MYO16: variants seen among roughly 807,000 people sequenced by gnomAD.
MYO16 encodes the protein myosin XVI, also known as unconventional myosin-XVI.
Under a neutral mutation model 205.3 loss-of-function variants are expected in MYO16, and 94 were observed. That is an observed-to-expected ratio of 0.46 (90% CI 0.39 to 0.54). The LOEUF (loss-of-function observed/expected upper bound fraction) is 0.54, where lower values mean the gene tolerates loss of function less well. Among genes scored for constraint, MYO16 ranks in the 20% least tolerant of loss-of-function variants. The pLI, the probability that MYO16 is intolerant of heterozygous loss-of-function variation, is 0.00. For synonymous variants in MYO16, 988 were observed against 954.0 expected (o/e 1.04, Z -0.66); for missense variants, 2,315 against 2,387.5 (o/e 0.97, Z 0.63).
At chr13:108,543,671 A>T in the MYO16 span, among the ~76,000 whole-genome samples, 2 of 150,150 alleles carry the variant, frequency 1.3e-5, no homozygotes, top group East Asian at 3.9e-4. Flanking sequence ...AAAGAAAAAA[A>T]TCCCAGAATA....
At chr13:108,869,933 T>C (rs2139134931) in intron 12 of MYO16, among the ~76,000 whole-genome samples, 2 of 151,472 alleles carry the variant, frequency 1.3e-5, no homozygotes, top group South Asian at 4.2e-4. Flanking sequence ...CTTATGTTAT[T>C]GGATTGGATC....
At chr13:108,996,430 TTAAAG>T (rs1439650990) in intron 21 of MYO16, among the ~76,000 whole-genome samples, 3 of 152,064 alleles carry the variant, frequency 2.0e-5, no homozygotes, top group Non-Finnish European at 1.5e-5. Context: ...AAAGCTATAA[TTAAAG>T]TAATGTGCAA....
Position 108,890,104 on chromosome 13 carries a change from A to ATTTTTTTTTTTTTT in MYO16, c.1659+1635_1659+1648dup, listed in dbSNP as rs60627565. On this transcript the variant is annotated intron_variant, in intron 14 of 34. Coordinates refer to ENST00000457511, the MANE Select transcript of MYO16 (RefSeq NM_001198950.3). ...GTGTCTCTGCCTAGCTAATTTTTGT[A>ATTTTTTTTTTTTTT]TTTTTTTTTTTTTTTTTTTTTGTGG... Among the ~76,000 whole-genome samples, 84 of 94,892 alleles carry ATTTTTTTTTTTTTT rather than the reference A, an allele frequency of 8.9e-4. 2 individuals are homozygous for ATTTTTTTTTTTTTT. The highest frequency in any genetic ancestry group is 1.4e-3 in the Non-Finnish European group (75 of 51,794). 62.3% of individuals were successfully genotyped at this position (94,892 alleles called of 152,430 possible).
chr13:109,004,485 A>C (rs1885323434), intron 21 of MYO16, among the ~76,000 whole-genome samples: 1 of 152,244 alleles, frequency 6.6e-6, no homozygotes, highest in African/African-American at 2.4e-5. Flanking sequence ...TAGTTTAAAC[A>C]GTTTTTATTT....
the MYO16 span, among the ~76,000 whole-genome samples, chr13:108,569,314 C>T: frequency 6.6e-6 from 1 of 152,038 alleles, no homozygotes. Flanking sequence ...CTTTTATTTA[C>T]TTTGATATTG....
At chr13:108,992,259 G>T in intron 20 of MYO16, 117 bp from the exon 21 acceptor site, 1 of 571,138 alleles carries the variant, frequency 1.8e-6, no homozygotes, top group Non-Finnish European at 3.0e-6. Flanking sequence ...CACATTTTTA[G>T]TCCAAATTGG....
intron 27 of MYO16, among the ~76,000 whole-genome samples, chr13:109,072,700 GC>G (rs1374134582): frequency 1.3e-5 from 2 of 152,080 alleles, no homozygotes; most frequent in Non-Finnish European, 2.9e-5. Flanking sequence ...AGGGCATTTT[GC>G]AACATGGATG....
Position 109,207,538 on chromosome 13 carries a change from C to T in MYO16, c.*702C>T, listed in dbSNP as rs149504417. 1 of 152,238 alleles carries T rather than the reference C, an allele frequency of 6.6e-6. No homozygotes were observed. The highest frequency in any genetic ancestry group is 1.9e-4 in the East Asian group (1 of 5,172). The allele number at this position is 152,238 out of a possible 1,614,324, so 9.4% of individuals were successfully genotyped here. A position where few individuals can be genotyped will look rare whatever the true frequency, so the allele number is the denominator to read the frequency against. On this transcript the variant is annotated 3_prime_UTR_variant, in exon 35 of 35. Coordinates refer to ENST00000457511, the MANE Select transcript of MYO16 (RefSeq NM_001198950.3). ...ATTGAGCCCCATGTTTTAGGTGTTA[C>T]TCATGGATGAGGAGGCTGTTCTTTC...
chr13:108,942,394 G>C (rs772458258), intron 16 of MYO16, among the ~76,000 whole-genome samples: 7 of 152,188 alleles, frequency 4.6e-5, no homozygotes, highest in Admixed American at 6.5e-5. Context: ...ATGAGAGTAA[G>C]TGCATTTGCA....
Position 109,206,915 on chromosome 13 carries a change from A to G in MYO16, c.*79A>G. On this transcript the variant is annotated 3_prime_UTR_variant, in exon 35 of 35. Coordinates refer to ENST00000457511, the MANE Select transcript of MYO16 (RefSeq NM_001198950.3). ...CAACAACAGAAGGCTGCCTTCTGACATGCGCTGGGGCTTCTCTCCACGCAT... is the reference window on the plus strand; with the variant it reads ...CAACAACAGAAGGCTGCCTTCTGACGTGCGCTGGGGCTTCTCTCCACGCAT... 7.8e-7 allele frequency: 1 copy of G among 1,284,354 alleles called. No homozygotes were observed. The highest frequency in any genetic ancestry group is 1.1e-6 in the Non-Finnish European group (1 of 912,452). The allele number at this position is 1,284,354 out of a possible 1,614,324, so 79.6% of individuals were successfully genotyped here. A position where few individuals can be genotyped will look rare whatever the true frequency, so the allele number is the denominator to read the frequency against.
chr13:108,946,117 T>G (rs1882929392), intron 16 of MYO16, among the ~76,000 whole-genome samples: 1 of 152,184 alleles, frequency 6.6e-6, no homozygotes, highest in Admixed American at 6.5e-5. Flanking sequence ...TTTCTGTTTG[T>G]CAGTATTTTA....
At chr13:109,023,264 CAGATATAAATATA>C (rs1380579921) in intron 23 of MYO16, among the ~76,000 whole-genome samples, 4 of 82,046 alleles carry the variant, frequency 4.9e-5, no homozygotes, top group African/African-American at 5.0e-5. Context: ...ATATATTATA[CAGATATAAATATA>C]TATATTTATA....
intron 23 of MYO16, among the ~76,000 whole-genome samples, chr13:109,042,230 A>G (rs1886906969): frequency 6.6e-6 from 1 of 152,174 alleles, no homozygotes; most frequent in African/African-American, 2.4e-5. Context: ...CGGTTAAAAG[A>G]CCTAATTTGG....
At chr13:108,667,315 GTTTTGTT>G (rs1160265728) in intron 2 of MYO16, among the ~76,000 whole-genome samples, 105 of 118,294 alleles carry the variant, frequency 8.9e-4, no homozygotes, top group African/African-American at 1.7e-3. Flanking sequence ...GAGAATTTCT[GTTTTGTT>G]TTTTTTTTTT....
intron 28 of MYO16, among the ~76,000 whole-genome samples, chr13:109,108,200 G>C (rs1889178893): frequency 6.6e-6 from 1 of 152,140 alleles, no homozygotes; most frequent in Non-Finnish European, 1.5e-5. Context: ...ACATGTGTGT[G>C]TTTCACTATG....
At chr13:108,846,615 T>C (rs1435352502) in intron 10 of MYO16, among the ~76,000 whole-genome samples, 1 of 152,004 alleles carries the variant, frequency 6.6e-6, no homozygotes, top group Non-Finnish European at 1.5e-5. Context: ...AGCAAAGAAA[T>C]TGAGTGTGAC....
At chr13:108,641,665 A>G (rs1880508928) in intron 1 of MYO16, among the ~76,000 whole-genome samples, 1 of 152,196 alleles carries the variant, frequency 6.6e-6, no homozygotes, top group Admixed American at 6.5e-5. Context: ...TATTAGGTTT[A>G]TCTTTGGAGA....
rs771238697 is a variant in MYO16, at chr13:108,666,084, C to T, written c.227C>T (p.Pro76Leu). 35 of 1,613,880 alleles carry T rather than the reference C, an allele frequency of 2.2e-5. No homozygotes were observed. Among genetic ancestry groups the T allele is most frequent in the South Asian group, 3.3e-5 (3 of 91,078 alleles). ...AAAAGGCTGAAGCATGCGAAGAATCCGAAAGTTCACTTCAACCTCACGGAC... is the reference window on the plus strand; with the variant it reads ...AAAAGGCTGAAGCATGCGAAGAATCTGAAAGTTCACTTCAACCTCACGGAC... ...FLKRLKHAKNPKVHFNLTDML... is the reference protein window; with the variant it reads ...FLKRLKHAKNLKVHFNLTDML... Residue 76 changes from proline to leucine, a missense_variant, in exon 2 of 35, where the codon CCG (proline) becomes CTG (leucine). Transcript: ENST00000457511.
intron 4 of MYO16, among the ~76,000 whole-genome samples, chr13:108,731,328 G>A (rs903029683): frequency 6.6e-6 from 1 of 152,128 alleles, no homozygotes; most frequent in Non-Finnish European, 1.5e-5. Flanking sequence ...AAAGAAAGCA[G>A]GCCAGTTTTT....
Sources: allele counts gnomAD v4.1 joint callset (sites outside exome capture counted in the v4.1 genomes callset), GRCh38; gene constraint gnomAD v4.1.1; transcripts MANE v1.5; gene names NCBI Gene and HGNC (gene_info 2026-07-23, HGNC 2026-07-21).